The following PHYHIPL variants were observed in gnomAD, a reference collection of about 807,000 sequenced individuals.
The protein encoded by PHYHIPL is phytanoyl-CoA hydroxylase-interacting protein-like.
PHYHIPL carries 9 observed loss-of-function variants against 33.4 expected under a neutral mutation model. The ratio of observed to expected loss-of-function variants is 0.27; its 90% CI spans 0.16 to 0.47. The LOEUF (loss-of-function observed/expected upper bound fraction) is 0.47, where lower values mean the gene tolerates loss of function less well. PHYHIPL is among the 20% of genes least tolerant of loss of function. The pLI, the probability that PHYHIPL is intolerant of heterozygous loss-of-function variation, is 0.99. For missense variants in PHYHIPL, 365 were observed against 460.7 expected (o/e 0.79, Z 1.90); for synonymous variants, 153 against 154.1 (o/e 0.99, Z 0.05).
chr10:59,181,901 C>T (rs549588974), intron 1 of PHYHIPL, among the ~76,000 whole-genome samples: 2 of 152,286 alleles, frequency 1.3e-5, no homozygotes, highest in South Asian at 4.1e-4. Context: ...GTATGTTTAA[C>T]GCTGGCAACT....
chr10:59,182,612 A>T (rs1838441142), intron 1 of PHYHIPL, among the ~76,000 whole-genome samples: 1 of 152,204 alleles, frequency 6.6e-6, no homozygotes, highest in Admixed American at 6.5e-5. Context: ...AAGTGCTGGG[A>T]CAGTAGTTAA....
chr10:59,241,130 C>T (rs553502291), intron 4 of PHYHIPL, among the ~76,000 whole-genome samples: 3 of 151,986 alleles, frequency 2.0e-5, no homozygotes, highest in East Asian at 3.9e-4. Flanking sequence ...TTTTAAGAAG[C>T]CTTATTAAAA....
chr10:59,244,382 G>C (rs1316049466), intron 4 of PHYHIPL, among the ~76,000 whole-genome samples: 2 of 151,798 alleles, frequency 1.3e-5, no homozygotes, highest in Non-Finnish European at 2.9e-5. Flanking sequence ...TGGCCAACGT[G>C]GTGAAACCCC....
At position 59,216,252 on chromosome 10, in the gene PHYHIPL, A is replaced by T. The variant is rs536482171; in HGVS notation, c.107-18052A>T. Among the ~76,000 whole-genome samples the T allele has an allele frequency of 9.8e-4, 149 of 152,214 alleles. 1 individual carries two copies. The highest frequency in any genetic ancestry group is 2.1e-3 in the Admixed American group (32 of 15,272). On this transcript the variant is annotated intron_variant, in intron 1 of 4. Transcript: ENST00000373880. ...CTATTTTCAAGTGCTCAGTAGATTC[A>T]TGTGGCTAGTGGCACTCACACTGAA... is the stretch of plus-strand genomic sequence containing the variant.
At chr10:59,175,496 A>G (rs1292685512), upstream of PHYHIPL, among the ~76,000 whole-genome samples, 1 of 152,246 alleles carries the variant, frequency 6.6e-6, no homozygotes, top group East Asian at 1.9e-4. Context: ...TGGAAAATCA[A>G]TAAAAGGGAA....
intron 1 of PHYHIPL, among the ~76,000 whole-genome samples, chr10:59,202,212 G>T (rs1284537753): frequency 1.3e-5 from 2 of 152,002 alleles, no homozygotes; most frequent in Non-Finnish European, 2.9e-5. Context: ...AGGAGTGGGG[G>T]TTGAAAAATT....
At chr10:59,206,173 A>G (rs1477967047) in intron 1 of PHYHIPL, among the ~76,000 whole-genome samples, 1 of 152,146 alleles carries the variant, frequency 6.6e-6, no homozygotes, top group Admixed American at 6.5e-5. Flanking sequence ...CTAAGGTTCT[A>G]TTTTGAATAC....
In PHYHIPL at chr10:59,176,795, C is replaced by A; in HGVS notation, c.-59C>A. The A allele has an allele frequency of 6.7e-7, 1 of 1,490,196 alleles. No homozygotes were observed. The highest frequency in any genetic ancestry group is 9.2e-7 in the Non-Finnish European group (1 of 1,090,976). 92.3% of individuals were successfully genotyped at this position (1,490,196 alleles called of 1,614,324 possible). On this transcript the variant is annotated 5_prime_UTR_variant, in exon 1 of 5. Transcript: ENST00000373880. The stretch of plus-strand genomic sequence containing the variant: ...CTCCCTTTCCCGCTCTTCTTGCCCA[C>A]CCGGCCGGCAGAGAGAGCCTGGATA...
chr10:59,199,136 C>T (rs2133213129), intron 1 of PHYHIPL, among the ~76,000 whole-genome samples: 1 of 152,232 alleles, frequency 6.6e-6, no homozygotes, highest in African/African-American at 2.4e-5. Context: ...TTGCCCATGC[C>T]TATGTCCTGA....
chr10:59,209,128 A>G (rs1839372073), intron 1 of PHYHIPL, among the ~76,000 whole-genome samples: 1 of 152,132 alleles, frequency 6.6e-6, no homozygotes, highest in Admixed American at 6.5e-5. Context: ...CATAATTGTC[A>G]GATTCACCAA....
intron 2 of PHYHIPL, among the ~76,000 whole-genome samples, chr10:59,234,750 A>T (rs532457277): frequency 2.6e-5 from 4 of 151,982 alleles, no homozygotes; most frequent in Admixed American, 2.6e-4. Context: ...CTAGATGTAA[A>T]AATTAGTTTA....
chr10:59,187,046 T>C (rs1468321762), intron 1 of PHYHIPL, among the ~76,000 whole-genome samples: 3 of 152,208 alleles, frequency 2.0e-5, no homozygotes, highest in Non-Finnish European at 4.4e-5. Flanking sequence ...TGTACCAGTT[T>C]TCAAAGGGAA....
At position 59,223,623 on chromosome 10, in the gene PHYHIPL, A is replaced by G. The variant is rs567830166; in HGVS notation, c.107-10681A>G. ...ATAACGATGATAAAATAAAAATAAT[A>G]AAAATAACTGAGTTCAATGATATTA... On this transcript the variant is annotated intron_variant, in intron 1 of 4. Transcript: ENST00000373880. Among the ~76,000 whole-genome samples the G allele has an allele frequency of 4.6e-5, 7 of 152,284 alleles. No individual in the cohort carries two copies. The East Asian group carries it at 7.7e-4, about 17-fold the overall frequency.
At chr10:59,216,158 C>G (rs1393488134) in intron 1 of PHYHIPL, among the ~76,000 whole-genome samples, 2 of 152,004 alleles carry the variant, frequency 1.3e-5, no homozygotes. Context: ...AGTACATTAG[C>G]CACAAGGATC....
rs71006239 is a variant in PHYHIPL, at chr10:59,244,562, CAAAAAAAAAA to C, written c.597-480_597-471del. ...CTGGCAACAGAGTGAGACTCTGTCTCAAAAAAAAAAAAAAAAAAAAAAAAGCCAAAACAAA... is the reference window on the plus strand; with the variant it reads ...CTGGCAACAGAGTGAGACTCTGTCTCAAAAAAAAAAAAAAGCCAAAACAAA... On this transcript the variant is annotated intron_variant, in intron 4 of 4. Transcript: ENST00000373880. Among the ~76,000 whole-genome samples, 6 of 39,556 alleles carry C rather than the reference CAAAAAAAAAA, an allele frequency of 1.5e-4. 1 individual carries two copies. Among genetic ancestry groups the C allele is most frequent in the Non-Finnish European group, 2.9e-4 (6 of 21,002 alleles). The allele number at this position is 39,556 out of a possible 152,430, so 26.0% of individuals were successfully genotyped here. A position where few individuals can be genotyped will look rare whatever the true frequency, so the allele number is the denominator to read the frequency against.
chr10:59,236,703 G>A, intron 3 of PHYHIPL, 46 bp downstream of exon 3: 1 of 1,436,556 alleles, frequency 7.0e-7, no homozygotes, highest in Non-Finnish European at 9.3e-7. Flanking sequence ...GTTGTTCTGG[G>A]AAAGCTAATT....
rs1006972143 is a variant in PHYHIPL at position 59,182,587 on chromosome 10, C to T, written c.106+5628C>T. Among the ~76,000 whole-genome samples, 4 of 152,216 alleles carry T rather than the reference C, an allele frequency of 2.6e-5. No homozygotes were observed. In the East Asian group the frequency reaches 5.8e-4, roughly 22 times the overall value. On this transcript the variant is annotated intron_variant, in intron 1 of 4. Transcript: ENST00000373880. ...TGAACTCCCGACCTCGTGATCTGCCCGCCTCGGCCTTCCAAAGTGCTGGGA... is the reference window on the plus strand; with the variant it reads ...TGAACTCCCGACCTCGTGATCTGCCTGCCTCGGCCTTCCAAAGTGCTGGGA...
At chr10:59,224,877 CAGAAAG>C (rs2133265990) in intron 1 of PHYHIPL, among the ~76,000 whole-genome samples, 2 of 152,026 alleles carry the variant, frequency 1.3e-5, no homozygotes, top group East Asian at 3.9e-4. Flanking sequence ...AAGCCATACT[CAGAAAG>C]AGGAGTATAT....
intron 3 of PHYHIPL, among the ~76,000 whole-genome samples, chr10:59,237,878 C>T (rs977235481): frequency 4.0e-5 from 6 of 151,836 alleles, no homozygotes; most frequent in African/African-American, 1.4e-4. Flanking sequence ...TATCTTTTAA[C>T]TTGATCATCT....
Sources: allele counts gnomAD v4.1 joint callset (sites outside exome capture counted in the v4.1 genomes callset), GRCh38; gene constraint gnomAD v4.1.1; transcripts MANE v1.5; gene names NCBI Gene and HGNC (gene_info 2026-07-23, HGNC 2026-07-21).